Variants in ZCWPW2 observed in about 807,000 individuals in gnomAD.
ZCWPW2 encodes the protein zinc finger CW-type and PWWP domain containing 2.
A neutral mutation model predicts 46.6 loss-of-function variants in ZCWPW2; 45 were observed. The observed-to-expected ratio is 0.96, with a 90% CI of 0.76 to 1.24. The LOEUF is 1.24. Among genes scored for constraint, ZCWPW2 ranks in the 50% most tolerant of loss-of-function variants. The probability of loss-of-function intolerance (pLI) is 0.00; values close to 1 mark genes in which losing one functional copy is unlikely to be tolerated. For missense variants in ZCWPW2, 429 were observed against 403.9 expected (o/e 1.06, Z -0.53); for synonymous variants, 152 against 137.1 (o/e 1.11, Z -0.76).
chr3:28,434,181 A>C (rs1334654445), intron 3 of ZCWPW2, among the ~76,000 whole-genome samples: 2 of 152,170 alleles, frequency 1.3e-5, no homozygotes, highest in Non-Finnish European at 2.9e-5. Flanking sequence ...AGAACATGAT[A>C]AACCAAATAA....
intron 1 of ZCWPW2, among the ~76,000 whole-genome samples, chr3:28,377,648 A>T (rs1705546437): frequency 6.6e-6 from 1 of 152,094 alleles, no homozygotes. Flanking sequence ...GGAAAAAGTA[A>T]CTAAGCCGTC....
intron 2 of ZCWPW2, among the ~76,000 whole-genome samples, chr3:28,391,379 GCACACACA>G (rs898124301): frequency 1.1e-5 from 1 of 88,728 alleles, no homozygotes; most frequent in Non-Finnish European, 2.9e-5. Flanking sequence ...ACACACACAT[GCACACACA>G]CACACACACA....
In ZCWPW2 at chr3:28,471,340, A is replaced by G. The variant is rs545280412; in HGVS notation, c.493-7474A>G. Among the ~76,000 whole-genome samples the G allele has an allele frequency of 6.6e-5, 10 of 152,312 alleles. No homozygotes were observed. In the South Asian group the frequency reaches 1.9e-3, roughly 28 times the overall value. On this transcript the variant is annotated intron_variant, in intron 4 of 9. Coordinates refer to ENST00000383768, the MANE Select transcript of ZCWPW2 (RefSeq NM_001040432.4). Reference sequence around the variant, plus strand: ...AGGCCAGTATCTCTGATGAATACTGATGCAAAAATCCTCAACAAAATACTA... The same window carrying G: ...AGGCCAGTATCTCTGATGAATACTGGTGCAAAAATCCTCAACAAAATACTA...
chr3:28,485,419 G>A (rs1201491836), intron 5 of ZCWPW2, among the ~76,000 whole-genome samples: 1 of 152,138 alleles, frequency 6.6e-6, no homozygotes, highest in African/African-American at 2.4e-5. Flanking sequence ...ATATCCAGTT[G>A]ATTGATGGTG....
intron 1 of ZCWPW2, among the ~76,000 whole-genome samples, chr3:28,368,021 T>C (rs1216107496): frequency 6.6e-6 from 1 of 152,180 alleles, no homozygotes; most frequent in Admixed American, 6.5e-5. Flanking sequence ...CATCCCTTTA[T>C]TTTGAGCCTA....
intron 5 of ZCWPW2, among the ~76,000 whole-genome samples, chr3:28,490,761 A>C (rs1418705477): frequency 6.6e-6 from 1 of 152,002 alleles, no homozygotes; most frequent in Non-Finnish European, 1.5e-5. Context: ...CTGAAACTAA[A>C]AGTTTAAGAA....
chr3:28,365,015 T>A (rs35216369), intron 1 of ZCWPW2, among the ~76,000 whole-genome samples: 1 of 152,116 alleles, frequency 6.6e-6, no homozygotes, highest in Non-Finnish European at 1.5e-5. Context: ...TCTTGTAAAT[T>A]TGTTTGAGTT....
In ZCWPW2 at chr3:28,505,308, C is replaced by A. The variant is rs377319596; in HGVS notation, c.658-8756C>A. 3.7e-4 allele frequency among the ~76,000 whole-genome samples: 57 copies of A among 152,228 alleles called. 1 individual carries two copies. In the East Asian group the frequency reaches 0.011, roughly 29 times the overall value. On this transcript the variant is annotated intron_variant, in intron 6 of 9. Coordinates refer to ENST00000383768, the MANE Select transcript of ZCWPW2 (RefSeq NM_001040432.4). ...GCAAGATATTTATAAGTCTTATTGC[C>A]AGGGACTGGTCTCTCACATTGTTCA...
chr3:28,496,007 C>T (rs910553167), intron 6 of ZCWPW2, among the ~76,000 whole-genome samples: 2 of 151,862 alleles, frequency 1.3e-5, no homozygotes, highest in African/African-American at 4.8e-5. Context: ...TGAGTTAATA[C>T]AAAATAATAC....
chr3:28,479,020 C>G, intron 5 of ZCWPW2, 89 bp downstream of exon 5: 1 of 788,504 alleles, frequency 1.3e-6, no homozygotes, highest in Non-Finnish European at 2.0e-6. Flanking sequence ...TCAAAAATCT[C>G]TATCTCTTTC....
intron 3 of ZCWPW2, among the ~76,000 whole-genome samples, chr3:28,422,250 G>C (rs1696821320): frequency 6.6e-6 from 1 of 152,004 alleles, no homozygotes; most frequent in Non-Finnish European, 1.5e-5. Context: ...TTCATTCTTT[G>C]TGAATGAATA....
At chr3:28,456,598 G>A (rs746761818) in intron 4 of ZCWPW2, among the ~76,000 whole-genome samples, 4 of 152,136 alleles carry the variant, frequency 2.6e-5, no homozygotes, top group Non-Finnish European at 5.9e-5. Flanking sequence ...TATGATATTG[G>A]CTGTGGGTTT....
chr3:28,467,356 A>G (rs1698863249), intron 4 of ZCWPW2, among the ~76,000 whole-genome samples: 1 of 151,090 alleles, frequency 6.6e-6, no homozygotes, highest in Non-Finnish European at 1.5e-5. Context: ...TAAAAATATT[A>G]TTTTACAGTC....
intron 6 of ZCWPW2, among the ~76,000 whole-genome samples, chr3:28,499,942 T>C (rs1386162329): frequency 2.0e-5 from 3 of 152,108 alleles, no homozygotes; most frequent in Non-Finnish European, 4.4e-5. Context: ...TAAAATTGTC[T>C]CTTTTGGGGA....
intron 3 of ZCWPW2, among the ~76,000 whole-genome samples, chr3:28,428,979 C>G (rs934462413): frequency 2.6e-5 from 4 of 152,204 alleles, no homozygotes; most frequent in African/African-American, 7.2e-5. Context: ...AGCAGCATGA[C>G]AACAGACTAA....
At chr3:28,519,447 A>G (rs1459085625) in intron 8 of ZCWPW2, among the ~76,000 whole-genome samples, 1 of 152,234 alleles carries the variant, frequency 6.6e-6, no homozygotes, top group Non-Finnish European at 1.5e-5. Context: ...TGTTATGAAA[A>G]ATATAAACTT....
At position 28,482,671 on chromosome 3, in the gene ZCWPW2, G is replaced by A. The variant is rs559346313; in HGVS notation, c.610+3740G>A. On this transcript the variant is annotated intron_variant, in intron 5 of 9. Coordinates refer to ENST00000383768, the MANE Select transcript of ZCWPW2 (RefSeq NM_001040432.4). ...TCCTCATCAATATTTGGTGGTGTCA[G>A]TGTTTTGGGTTTTGGCCACTCTAGT... is the stretch of plus-strand genomic sequence containing the variant. Among the ~76,000 whole-genome samples the A allele has an allele frequency of 8.5e-5, 13 of 152,272 alleles. No homozygotes were observed. In the South Asian group the frequency reaches 2.7e-3, roughly 32 times the overall value.
At chr3:28,485,070 G>C (rs974551378) in intron 5 of ZCWPW2, among the ~76,000 whole-genome samples, 1 of 151,040 alleles carries the variant, frequency 6.6e-6, no homozygotes, top group African/African-American at 2.4e-5. Flanking sequence ...TGCTTTTGCT[G>C]CATCCCATGA....
At chr3:28,439,074 T>TATAC (rs1365599519) in intron 4 of ZCWPW2, among the ~76,000 whole-genome samples, 3 of 144,810 alleles carry the variant, frequency 2.1e-5, no homozygotes, top group African/African-American at 5.1e-5. Flanking sequence ...TATATGTGTA[T>TATAC]ACACATATAT....
Sources: allele counts gnomAD v4.1 joint callset (sites outside exome capture counted in the v4.1 genomes callset), GRCh38; gene constraint gnomAD v4.1.1; transcripts MANE v1.5; gene names NCBI Gene and HGNC (gene_info 2026-07-23, HGNC 2026-07-21).